The following DPP9 variants were observed in gnomAD, a reference collection of about 807,000 sequenced individuals.
DPP9 encodes the protein dipeptidyl peptidase 9.
Under a neutral mutation model 110.7 loss-of-function variants are expected in DPP9, and 50 were observed. That is an observed-to-expected ratio of 0.45 (90% CI 0.36 to 0.57). The LOEUF (loss-of-function observed/expected upper bound fraction) is 0.57. Among genes scored for constraint, DPP9 ranks in the 20% least tolerant of loss-of-function variants. The pLI, the probability that DPP9 is intolerant of heterozygous loss-of-function variation, is 0.00. For synonymous variants in DPP9, 561 were observed against 514.4 expected, an observed-to-expected ratio of 1.09 and a Z score of -1.23; for missense variants, 1,022 against 1,217.9, an observed-to-expected ratio of 0.84 and a Z score of 2.39.
chr19:4,684,653 G>T lies in DPP9; in HGVS notation c.2178+10C>A. 6.2e-7 allele frequency: 1 copy of T among 1,613,098 alleles called. No individual in the cohort carries two copies. Among genetic ancestry groups the T allele is most frequent in the Non-Finnish European group, 8.5e-7 (1 of 1,179,644 alleles). Reference sequence around the variant, plus strand: ...CCAAAGGACCCAGAGCAACAGGGAGGAGTTGTTACCATTTGGTTTTTCAGG... The same window carrying T: ...CCAAAGGACCCAGAGCAACAGGGAGTAGTTGTTACCATTTGGTTTTTCAGG... On this transcript the variant is annotated intron_variant, in intron 18 of 21. Coordinates refer to ENST00000262960, the MANE Select transcript of DPP9 (RefSeq NM_139159.5). This position sits in a 1 kb window ranked among gnomAD's most constrained non-coding sequence, Gnocchi z 4.8.
At position 4,689,244 on chromosome 19, in the gene DPP9, C is replaced by T. The variant is rs1352292730; in HGVS notation, c.1749+326G>A. On this transcript the variant is annotated intron_variant, in intron 15 of 21. Coordinates refer to ENST00000262960, the MANE Select transcript of DPP9 (RefSeq NM_139159.5). This position sits in a 1 kb window ranked among gnomAD's most constrained non-coding sequence, Gnocchi z 7.0. ...ACTCGTGCCCTGGACTAGGGGTGGC[C>T]CTCTGCATGGCCACCGCCTGACATT... Among the ~76,000 whole-genome samples the T allele has an allele frequency of 6.6e-6, 1 of 152,186 alleles. No individual in the cohort carries two copies. Among genetic ancestry groups the T allele is most frequent in the East Asian group, 1.9e-4 (1 of 5,186 alleles).
chr19:4,722,696 T>C (rs2093373960), intron 1 of DPP9, 145 bp from the exon 2 acceptor site: 1 of 638,806 alleles, frequency 1.6e-6, no homozygotes, highest in Non-Finnish European at 2.8e-6. Context: ...CCTGCAGCAC[T>C]GTCTGCATGC....
At chr19:4,721,747 C>G (rs2093332041) in intron 2 of DPP9, among the ~76,000 whole-genome samples, 1 of 152,168 alleles carries the variant, frequency 6.6e-6, no homozygotes, top group Non-Finnish European at 1.5e-5. Context: ...TGCCATTGCA[C>G]TCCAGGGGTG....
chr19:4,683,246 G>A (rs1201251613), intron 19 of DPP9: 389 of 1,432,238 alleles, frequency 2.7e-4, no homozygotes, highest in Non-Finnish European at 3.4e-4. Flanking sequence ...AGCTGCTGGC[G>A]GGGTTTTGTG....
rs543012257 is a variant in DPP9 at position 4,678,041 on chromosome 19, C to T, written c.2587-1385G>A. 3.9e-5 allele frequency among the ~76,000 whole-genome samples: 6 copies of T among 152,316 alleles called. No individual in the cohort carries two copies. The East Asian group carries it at 9.6e-4, about 24-fold the overall frequency. On this transcript the variant is annotated intron_variant, in intron 21 of 21. Coordinates refer to ENST00000262960, the MANE Select transcript of DPP9 (RefSeq NM_139159.5). Reference sequence around the variant, plus strand: ...CCTATCTCATCTCACGTTCTACTTCCTGTGGGGAGGCAGTGAGACAGGACC... The same window carrying T: ...CCTATCTCATCTCACGTTCTACTTCTTGTGGGGAGGCAGTGAGACAGGACC...
intron 8 of DPP9, 51 bp from the exon 9 acceptor site, chr19:4,702,206 T>C: frequency 6.4e-7 from 1 of 1,569,400 alleles, no homozygotes; most frequent in Non-Finnish European, 8.7e-7. Context: ...GCAGAGTCCC[T>C]GCCATCAGCA....
In DPP9 at chr19:4,682,889, G is replaced by A. The variant is rs773858763; in HGVS notation, c.2332-51C>T. On this transcript the variant is annotated intron_variant, in intron 19 of 21. Transcript: ENST00000262960. The surrounding 1 kb of genome is among the most constrained non-coding windows in gnomAD (Gnocchi z 7.1). ...GGCAGAGAGAGAGAGAGAAACAGGCGTCGGGTCCTACAGCCAGCATCAGCC... is the reference window on the plus strand; with the variant it reads ...GGCAGAGAGAGAGAGAGAAACAGGCATCGGGTCCTACAGCCAGCATCAGCC... 34 of 1,548,682 alleles carry A rather than the reference G, an allele frequency of 2.2e-5. No individual in the cohort carries two copies. The highest frequency in any genetic ancestry group is 2.4e-5 in the East Asian group (1 of 41,194).
intron 13 of DPP9, among the ~76,000 whole-genome samples, chr19:4,692,820 A>C (rs2091445740): frequency 6.6e-6 from 1 of 152,154 alleles, no homozygotes; most frequent in Non-Finnish European, 1.5e-5. Flanking sequence ...GTGAAACACC[A>C]ATGAGCCGAA....
In DPP9 at chr19:4,718,255, G is replaced by A. The variant is rs559821470; in HGVS notation, c.56+1596C>T. 1.3e-5 allele frequency among the ~76,000 whole-genome samples: 2 copies of A among 152,284 alleles called. No homozygotes were observed. The highest frequency in any genetic ancestry group is 3.9e-4 in the East Asian group (2 of 5,182). On this transcript the variant is annotated intron_variant, in intron 3 of 21. Coordinates refer to ENST00000262960, the MANE Select transcript of DPP9 (RefSeq NM_139159.5). The surrounding 1 kb of genome is among the most constrained non-coding windows in gnomAD (Gnocchi z 4.3). The stretch of plus-strand genomic sequence containing the variant: ...CTGTGATGTCTGTGTCTGAGCTGGT[G>A]CTTTGGTGGCGAGCGGGGGCGGGGG...
At position 4,697,561 on chromosome 19, in the gene DPP9, C is replaced by A; in HGVS notation, c.1165G>T (p.Asp389Tyr). 1.2e-6 allele frequency: 2 copies of A among 1,613,458 alleles called. No homozygotes were observed. Among genetic ancestry groups the A allele is most frequent in the Non-Finnish European group, 1.7e-6 (2 of 1,179,584 alleles). The change falls in exon 11 of 22, where the codon GAT (aspartate) becomes TAT (tyrosine). Residue 389 changes from aspartate (D) to tyrosine (Y), a missense_variant. Asp to Tyr is a radical substitution (Grantham distance 160, BLOSUM62 -3). Around this residue, in one of 3 missense-constraint regions of DPP9, gnomAD observed 810 missense variants for 920.6 expected, o/e 0.88. Coordinates refer to ENST00000262960, the MANE Select transcript of DPP9 (RefSeq NM_139159.5). ...EYIARAGWTR[D>Y]GKYAWAMFLD... ...GCCAGAGACACTCACTATTTGCCAT[C>A]CCGGGTCCACCCGGCCCTGGCGATG...
At chr19:4,697,508 G>A in intron 11 of DPP9, 43 bp downstream of exon 11, 1 of 1,557,848 alleles carries the variant, frequency 6.4e-7, no homozygotes, top group Non-Finnish European at 8.8e-7. Context: ...AGGGCCCAGG[G>A]CCCTGCAGGT....
Position 4,710,504 on chromosome 19 carries a change from G to A in DPP9, c.313+3577C>T, listed in dbSNP as rs774534181. 3.9e-5 allele frequency among the ~76,000 whole-genome samples: 6 copies of A among 152,332 alleles called. No homozygotes were observed. Among genetic ancestry groups the A allele is most frequent in the East Asian group, 1.9e-4 (1 of 5,174 alleles). On this transcript the variant is annotated intron_variant, in intron 4 of 21. Transcript: ENST00000262960. This position sits in a 1 kb window ranked among gnomAD's most constrained non-coding sequence, Gnocchi z 5.6. ...ATCTTCCCAGCAGCAGGAACCGCAC[G>A]TTCCCCCGCTGCTCCTGCTAGCCTG...
At chr19:4,719,353 A>AATAC (rs2093217242) in intron 3 of DPP9, 1 of 151,688 alleles carries the variant, frequency 6.6e-6, no homozygotes, top group Non-Finnish European at 1.5e-5. Context: ...TAAATAAATA[A>AATAC]ATAAATAAAT....
chr19:4,684,314 C>T lies in DPP9; in HGVS notation c.2178+349G>A. 1 of 316,778 alleles carries T rather than the reference C, an allele frequency of 3.2e-6. No individual in the cohort carries two copies. Among genetic ancestry groups the T allele is most frequent in the South Asian group, 3.2e-5 (1 of 31,728 alleles). 19.6% of individuals were successfully genotyped at this position (316,778 alleles called of 1,614,324 possible). ...ACACAGCCCTGCCTTGGCCTTGGAC[C>T]TCCCAGCCTCCAGAACTGTGAGAGA... On this transcript the variant is annotated intron_variant, in intron 18 of 21. Coordinates refer to ENST00000262960, the MANE Select transcript of DPP9 (RefSeq NM_139159.5). The surrounding 1 kb of genome is among the most constrained non-coding windows in gnomAD (Gnocchi z 4.8).
At chr19:4,696,913 A>G (rs1006717044) in intron 11 of DPP9, among the ~76,000 whole-genome samples, 1 of 152,164 alleles carries the variant, frequency 6.6e-6, no homozygotes, top group Non-Finnish European at 1.5e-5. Flanking sequence ...TAGGAATGCA[A>G]AAGCAAGACC....
intron 1 of DPP9, 64 bp from the exon 2 acceptor site, chr19:4,722,615 C>T (rs894506554): frequency 2.9e-6 from 2 of 700,436 alleles, no homozygotes; most frequent in East Asian, 2.7e-5. Context: ...GCCGTTCAGC[C>T]TCCCCCACTC....
At chr19:4,683,067 C>T (rs746644718) in intron 19 of DPP9, 33 of 1,493,712 alleles carry the variant, frequency 2.2e-5, no homozygotes, top group South Asian at 1.9e-4. Flanking sequence ...CCCTCCCCGC[C>T]GCCGCAGAGG....
intron 11 of DPP9, among the ~76,000 whole-genome samples, chr19:4,696,256 C>T (rs545192138): frequency 1.4e-4 from 21 of 152,016 alleles, no homozygotes; most frequent in Non-Finnish European, 2.5e-4. Flanking sequence ...TAGTATTCTA[C>T]GTGGAAAAGC....
At chr19:4,720,360 A>G (rs1279057720) in intron 2 of DPP9, among the ~76,000 whole-genome samples, 1 of 151,842 alleles carries the variant, frequency 6.6e-6, no homozygotes, top group Non-Finnish European at 1.5e-5. Context: ...GTCCCTCAAC[A>G]CACCTGCTCG....
Sources: gnomAD v4.1 joint callset for allele counts (sites outside exome capture counted in the v4.1 genomes callset) on GRCh38, gnomAD v4.1.1 for gene constraint, gnomAD v4.1.1 regional missense constraint, Gnocchi (gnomAD v3.1) non-coding constraint, MANE v1.5 for transcripts, NCBI Gene and HGNC (gene_info 2026-07-23, HGNC 2026-07-21) for gene names.